Variants in BBS9 observed in about 807,000 individuals in gnomAD.
BBS9 encodes the protein Bardet-Biedl syndrome 9.
A neutral mutation model predicts 117.7 loss-of-function variants in BBS9; 89 were observed. That is an observed-to-expected ratio of 0.76 (90% CI 0.64 to 0.90). The LOEUF (loss-of-function observed/expected upper bound fraction) is 0.90, where lower values mean the gene tolerates loss of function less well. Ranked by LOEUF, BBS9 falls within the 40% of genes least tolerant of loss-of-function variation. BBS9 has a pLI of 0.00. For synonymous variants in BBS9, 379 were observed against 370.9 expected, an observed-to-expected ratio of 1.02 and a Z score of -0.25; for missense variants, 982 against 1,042.2, an observed-to-expected ratio of 0.94 and a Z score of 0.80.
At chr7:33,317,282 C>T (rs756057677) in intron 9 of BBS9, among the ~76,000 whole-genome samples, 4 of 151,912 alleles carry the variant, frequency 2.6e-5, no homozygotes, top group African/African-American at 7.3e-5. Flanking sequence ...TGAGTTCACT[C>T]GTGAAACCCC....
intron 21 of BBS9, among the ~76,000 whole-genome samples, chr7:33,596,839 C>G (rs2129189182): frequency 6.6e-6 from 1 of 152,204 alleles, no homozygotes; most frequent in South Asian, 2.1e-4. Flanking sequence ...CTGCCCATCC[C>G]CCTTCCTTCT....
chr7:33,233,918 A>G (rs902510946), intron 5 of BBS9, among the ~76,000 whole-genome samples: 22 of 152,150 alleles, frequency 1.4e-4, no homozygotes, highest in African/African-American at 5.1e-4. Flanking sequence ...GGTCAGCTGT[A>G]GCCCAGAAAT....
intron 19 of BBS9, among the ~76,000 whole-genome samples, chr7:33,484,799 A>AC (rs2128981922): frequency 6.6e-6 from 1 of 152,350 alleles, no homozygotes; most frequent in South Asian, 2.1e-4. Context: ...CTGGGTATAT[A>AC]CCCAAAGGAA....
chr7:33,580,979 C>T (rs1859774086), intron 21 of BBS9, among the ~76,000 whole-genome samples: 1 of 152,004 alleles, frequency 6.6e-6, no homozygotes, highest in South Asian at 2.1e-4. Context: ...GGTAAGTATC[C>T]ATACCAAGCT....
In BBS9 at chr7:33,619,771, A is replaced by G. The variant is rs547439971; in HGVS notation, c.2522-15406A>G. 7.2e-5 allele frequency among the ~76,000 whole-genome samples: 11 copies of G among 152,326 alleles called. No homozygotes were observed. In the East Asian group the frequency reaches 2.1e-3, roughly 29 times the overall value. On this transcript the variant is annotated intron_variant, in intron 21 of 21. Transcript: ENST00000671952. ...TAACCAATGGGTCAAAGAAGAAATCAAAAAGGAAATCCAAAAGTATCTTGA... is the reference window on the plus strand; with the variant it reads ...TAACCAATGGGTCAAAGAAGAAATCGAAAAGGAAATCCAAAAGTATCTTGA...
chr7:33,387,637 G>A (rs780158457), intron 18 of BBS9, among the ~76,000 whole-genome samples: 6 of 151,934 alleles, frequency 3.9e-5, no homozygotes, highest in Non-Finnish European at 8.8e-5. Flanking sequence ...GATTTTTCTG[G>A]TGCTTTTATT....
At chr7:33,613,387 C>T (rs890471368) in intron 21 of BBS9, among the ~76,000 whole-genome samples, 2 of 152,004 alleles carry the variant, frequency 1.3e-5, no homozygotes, top group African/African-American at 4.8e-5. Context: ...TCCTGTAGTG[C>T]TCTTTTACTT....
intron 21 of BBS9, among the ~76,000 whole-genome samples, chr7:33,543,840 T>A (rs186249278): frequency 3.0e-4 from 46 of 152,336 alleles, no homozygotes; most frequent in Non-Finnish European, 5.7e-4. Flanking sequence ...CGATTATTCT[T>A]AGGTTTGTTC....
At chr7:33,425,328 G>C (rs1833499527) in intron 19 of BBS9, among the ~76,000 whole-genome samples, 1 of 152,002 alleles carries the variant, frequency 6.6e-6, no homozygotes, top group Non-Finnish European at 1.5e-5. Flanking sequence ...AATACAAACA[G>C]GCACACTTTA....
At chr7:33,515,570 C>T (rs1847635873) in intron 20 of BBS9, among the ~76,000 whole-genome samples, 2 of 152,208 alleles carry the variant, frequency 1.3e-5, no homozygotes, top group Admixed American at 6.5e-5. Flanking sequence ...TAAGAAGCCT[C>T]TGTTCAAAGT....
chr7:33,614,417 G>C (rs1003829536), intron 21 of BBS9, among the ~76,000 whole-genome samples: 8 of 151,860 alleles, frequency 5.3e-5, no homozygotes, highest in African/African-American at 1.9e-4. Flanking sequence ...AATTCCGTCT[G>C]TACTTATTTG....
intron 9 of BBS9, among the ~76,000 whole-genome samples, chr7:33,282,166 T>C (rs563842998): frequency 1.3e-5 from 2 of 152,252 alleles, no homozygotes; most frequent in South Asian, 4.1e-4. Context: ...TTTGTGGTTT[T>C]TGCAAAAAGT....
At chr7:33,195,517 A>G (rs1025929100) in intron 5 of BBS9, among the ~76,000 whole-genome samples, 3 of 152,122 alleles carry the variant, frequency 2.0e-5, no homozygotes, top group African/African-American at 7.2e-5. Context: ...GATGCAGCAT[A>G]TTGTATGTAA....
chr7:33,542,699 A>G (rs1315692110), intron 21 of BBS9, among the ~76,000 whole-genome samples: 11 of 145,858 alleles, frequency 7.5e-5, no homozygotes, highest in Non-Finnish European at 1.1e-4. Context: ...CATTATATAT[A>G]TGTGTGTGTG....
intron 1 of BBS9, among the ~76,000 whole-genome samples, chr7:33,142,040 A>G (rs1791554171): frequency 6.6e-6 from 1 of 151,300 alleles, no homozygotes; most frequent in Admixed American, 6.6e-5. Flanking sequence ...GGTTCATGCC[A>G]TTCTCCTGCC....
downstream of BBS9, among the ~76,000 whole-genome samples, chr7:33,608,426 A>G (rs1413741569): frequency 6.6e-6 from 1 of 152,082 alleles, no homozygotes; most frequent in Non-Finnish European, 1.5e-5. Flanking sequence ...ACTAGGTGGA[A>G]TGGTAGTTCT....
chr7:33,469,216 TG>T (rs1840633711), intron 19 of BBS9, among the ~76,000 whole-genome samples: 2 of 152,140 alleles, frequency 1.3e-5, no homozygotes, highest in Non-Finnish European at 2.9e-5. Flanking sequence ...CCAGAATGGA[TG>T]AGTAGTATAT....
chr7:33,368,616 A>ACACACACACACC (rs996468631), intron 17 of BBS9, among the ~76,000 whole-genome samples: 38 of 145,694 alleles, frequency 2.6e-4, no homozygotes, highest in Middle Eastern at 3.5e-3. Context: ...ACACACACAC[A>ACACACACACACC]CCCATACCCC....
chr7:33,257,253 A>C lies in BBS9; in HGVS notation c.460A>C (p.Ile154Leu), dbSNP rs1422430875. 1 of 1,611,694 alleles carries C rather than the reference A, an allele frequency of 6.2e-7. No individual in the cohort carries two copies. Among genetic ancestry groups the C allele is most frequent in the Non-Finnish European group, 8.5e-7 (1 of 1,178,420 alleles). ...TTCTTTAGGTCGAGATTTAATTTGC[A>C]TCCAGTCTATGGATGGGATGCTGAT... ...GGVKGRDLIC[I>L]QSMDGMLMVF... Residue 154 changes from isoleucine to leucine, a missense_variant, in exon 6 of 23, where the codon ATC becomes CTC. By Grantham distance (5) the Ile-to-Leu change is conservative. Coordinates refer to ENST00000242067, the MANE Select transcript of BBS9 (RefSeq NM_198428.3).
Sources: gnomAD v4.1 joint callset for allele counts (sites outside exome capture counted in the v4.1 genomes callset) on GRCh38, gnomAD v4.1.1 for gene constraint, MANE v1.5 for transcripts, NCBI Gene and HGNC (gene_info 2026-07-23, HGNC 2026-07-21) for gene names.